PHACTR2: variants seen among roughly 807,000 people sequenced by gnomAD.
The protein encoded by PHACTR2 is phosphatase and actin regulator 2, also known as chromosome 6 open reading frame 56.
A neutral mutation model predicts 76.0 loss-of-function variants in PHACTR2; 30 were observed. The ratio of observed to expected loss-of-function variants is 0.39; its 90% CI spans 0.30 to 0.54. The LOEUF (loss-of-function observed/expected upper bound fraction) is 0.54, where lower values mean the gene tolerates loss of function less well. Among genes scored for constraint, PHACTR2 ranks in the 20% least tolerant of loss-of-function variants. The pLI is 0.61. For synonymous variants in PHACTR2, 292 were observed against 292.5 expected (o/e 1.00, Z 0.02); for missense variants, 696 against 781.1 (o/e 0.89, Z 1.30).
intron 1 of PHACTR2, among the ~76,000 whole-genome samples, chr6:143,686,935 C>G (rs1777539629): frequency 6.6e-6 from 1 of 152,186 alleles, no homozygotes; most frequent in South Asian, 2.1e-4. Flanking sequence ...TAGCTTTTCT[C>G]CAGCTGCGTG....
At position 143,550,985 on chromosome 6, in the gene PHACTR2, C is replaced by T. The variant is rs1775087004; in HGVS notation, c.217+13778C>T. Among the ~76,000 whole-genome samples the T allele has an allele frequency of 6.6e-6, 1 of 151,854 alleles. No homozygotes were observed. The highest frequency in any genetic ancestry group is 2.1e-4 in the South Asian group (1 of 4,808). ...CCTGGGAGGTTGAGACTACATGAAC[C>T]ATGATTGCACCACTGCACTCCAGCC... On this transcript the variant is annotated intron_variant, in intron 1 of 11. Coordinates refer to the PHACTR2 transcript ENST00000367584. The surrounding 1 kb of genome is among the most constrained non-coding windows in gnomAD (Gnocchi z 4.8).
rs1313419111 is a variant in PHACTR2, at chr6:143,597,241, C to A, written c.217+60034C>A. Among the ~76,000 whole-genome samples the A allele has an allele frequency of 6.6e-6, 1 of 152,156 alleles. No homozygotes were observed. The highest frequency in any genetic ancestry group is 1.5e-5 in the Non-Finnish European group (1 of 68,030). On this transcript the variant is annotated intron_variant, in intron 1 of 11. Coordinates refer to the PHACTR2 transcript ENST00000367584. This position sits in a 1 kb window ranked among gnomAD's most constrained non-coding sequence, Gnocchi z 5.7. ...TCCAAGAAATGAAAGACATACCATTCGTGAGCTGCTTGCTGTCCCTCCCTT... is the reference window on the plus strand; with the variant it reads ...TCCAAGAAATGAAAGACATACCATTAGTGAGCTGCTTGCTGTCCCTCCCTT...
chr6:143,660,162 C>T (rs1212593884), intron 1 of PHACTR2, among the ~76,000 whole-genome samples: 2 of 151,908 alleles, frequency 1.3e-5, no homozygotes, highest in African/African-American at 4.8e-5. Flanking sequence ...TCTCCTTTTC[C>T]TATTTCTCCT....
In PHACTR2 at chr6:143,734,644, C is replaced by CT. The variant is rs1250083341; in HGVS notation, c.215-14333dup. ...TTGCAGAATTGTTAACTTGCTTTCC[C>CT]TTTTTTTTCCATCACATTTGATTGC... On this transcript the variant is annotated intron_variant, in intron 2 of 12. Coordinates refer to ENST00000440869, the MANE Select transcript of PHACTR2 (RefSeq NM_001100164.2). Among the ~76,000 whole-genome samples, 4 of 152,104 alleles carry CT rather than the reference C, an allele frequency of 2.6e-5. No homozygotes were observed. In the East Asian group the frequency reaches 5.8e-4, roughly 22 times the overall value.
intron 6 of PHACTR2, among the ~76,000 whole-genome samples, chr6:143,771,188 A>ATGTG (rs1206917465): frequency 3.1e-4 from 5 of 16,296 alleles, no homozygotes; most frequent in Non-Finnish European, 3.0e-4. Context: ...ATATATATAT[A>ATGTG]TGTGTGTATA....
At chr6:143,724,263 G>C (rs6570579) in intron 2 of PHACTR2, among the ~76,000 whole-genome samples, 93,261 of 151,794 alleles carry the variant, frequency 0.61, 30,145 homozygotes, top group African/African-American at 0.83. Flanking sequence ...TCCCGAGTAG[G>C]TGGGACCACA....
At chr6:143,676,870 T>C (rs1777258865), upstream of PHACTR2, among the ~76,000 whole-genome samples, 1 of 152,092 alleles carries the variant, frequency 6.6e-6, no homozygotes, top group Non-Finnish European at 1.5e-5. The surrounding 1 kb of genome is among the most constrained non-coding windows in gnomAD (Gnocchi z 4.8). Context: ...TGAAAAAACA[T>C]AGGGCAACTT....
chr6:143,796,115 T>G (rs1013840054), intron 11 of PHACTR2, among the ~76,000 whole-genome samples: 6 of 152,218 alleles, frequency 3.9e-5, no homozygotes, highest in African/African-American at 7.2e-5. Context: ...GAACACAGTG[T>G]CTAAACAGGT....
In PHACTR2 at chr6:143,619,517, G is replaced by A. The variant is rs112838352; in HGVS notation, c.13+11195G>A. Among the ~76,000 whole-genome samples the A allele has an allele frequency of 0.012, 1,899 of 152,318 alleles. 44 individuals carry two copies. Among genetic ancestry groups the A allele is most frequent in the African/African-American group, 0.044 (1,819 of 41,562 alleles). On this transcript the variant is annotated intron_variant, in intron 1 of 11. Coordinates refer to the PHACTR2 transcript ENST00000305766. The surrounding 1 kb of genome is among the most constrained non-coding windows in gnomAD (Gnocchi z 4.5). ...ATGCTCTGAAATACCCTACTGAAGG[G>A]TACACAGTGTTGACCTGTACACAAA... is the stretch of plus-strand genomic sequence containing the variant.
rs916335520 is a variant in PHACTR2 at position 143,733,634 on chromosome 6, A to G, written c.215-15351A>G. ...AAAAGCCATAACAGACTAAATGAAT[A>G]TTTTACCAATTTAGTGGGTAGGGTG... On this transcript the variant is annotated intron_variant, in intron 2 of 12. Coordinates refer to ENST00000440869, the MANE Select transcript of PHACTR2 (RefSeq NM_001100164.2). This position sits in a 1 kb window ranked among gnomAD's most constrained non-coding sequence, Gnocchi z 4.0. Among the ~76,000 whole-genome samples, 1 of 152,140 alleles carries G rather than the reference A, an allele frequency of 6.6e-6. No individual in the cohort carries two copies. The highest frequency in any genetic ancestry group is 1.5e-5 in the Non-Finnish European group (1 of 68,018).
intron 1 of PHACTR2, among the ~76,000 whole-genome samples, chr6:143,575,003 T>C (rs896832416): frequency 3.3e-5 from 5 of 152,240 alleles, no homozygotes; most frequent in African/African-American, 4.8e-5. Context: ...GCAGATTAGA[T>C]TTCTCAGTAT....
chr6:143,614,077 C>G (rs1160311699), intron 1 of PHACTR2, among the ~76,000 whole-genome samples: 1 of 152,092 alleles, frequency 6.6e-6, no homozygotes, highest in Non-Finnish European at 1.5e-5. Context: ...CAAAAATTAG[C>G]CAGGTGTGCT....
intron 11 of PHACTR2, among the ~76,000 whole-genome samples, chr6:143,797,944 G>A (rs947690036): frequency 6.6e-6 from 1 of 152,184 alleles, no homozygotes; most frequent in African/African-American, 2.4e-5. Flanking sequence ...GAAAGTCAGT[G>A]GTAGCTGGAT....
intron 1 of PHACTR2, among the ~76,000 whole-genome samples, chr6:143,640,813 A>T (rs1776550882): frequency 6.6e-6 from 1 of 152,214 alleles, no homozygotes; most frequent in African/African-American, 2.4e-5. Flanking sequence ...TTTATTTGAA[A>T]AAAAGACCTT....
rs758907528 is a variant in PHACTR2 at position 143,823,682 on chromosome 6, G to A, written c.1931G>A (p.Arg644His). 54 of 1,611,498 alleles carry A rather than the reference G, an allele frequency of 3.4e-5. 1 individual carries two copies. Among genetic ancestry groups the A allele is most frequent in the East Asian group, 1.3e-4 (6 of 44,886 alleles). Residue 644 changes from arginine (R) to histidine (H), a missense_variant, in exon 13 of 13, where the codon CGT becomes CAT. Arg to His is a conservative substitution (Grantham distance 29). Around this residue, in one of 2 missense-constraint regions of PHACTR2, gnomAD observed 236 missense variants for 330.2 expected, o/e 0.71. Transcript: ENST00000440869. The surrounding 1 kb of genome is among the most constrained non-coding windows in gnomAD (Gnocchi z 5.7). Reference sequence around the variant, plus strand: ...TCTATTTCTTACTCCAGGTTTCATCGTCCATAACGAAGAGTGAGACTATTT... The same window carrying A: ...TCTATTTCTTACTCCAGGTTTCATCATCCATAACGAAGAGTGAGACTATTT... ...EESRQFTRFH[R>H]P
rs1343932519 is a variant in PHACTR2, at chr6:143,722,321, T to G, written c.214+10138T>G. ...CGAAAGCACTAGAAGTCTCTGGCATTGGTTTTTTTTTCTATTCTGGCCACT... is the reference window on the plus strand; with the variant it reads ...CGAAAGCACTAGAAGTCTCTGGCATGGGTTTTTTTTTCTATTCTGGCCACT... On this transcript the variant is annotated intron_variant, in intron 2 of 12. Transcript: ENST00000440869. This position sits in a 1 kb window ranked among gnomAD's most constrained non-coding sequence, Gnocchi z 4.1. Among the ~76,000 whole-genome samples the G allele has an allele frequency of 6.6e-6, 1 of 151,950 alleles. No individual in the cohort carries two copies. Among genetic ancestry groups the G allele is most frequent in the African/African-American group, 2.4e-5 (1 of 41,418 alleles).
chr6:143,802,313 G>T (rs1274247194), intron 11 of PHACTR2, among the ~76,000 whole-genome samples: 3 of 151,926 alleles, frequency 2.0e-5, no homozygotes, highest in African/African-American at 7.3e-5. Context: ...CATAACCTCA[G>T]CCCAGCTCTT....
At chr6:143,632,893 T>C (rs1776389568) in intron 1 of PHACTR2, among the ~76,000 whole-genome samples, 1 of 152,206 alleles carries the variant, frequency 6.6e-6, no homozygotes, top group Admixed American at 6.5e-5. Context: ...TTTCACTTAG[T>C]AGTATGCACT....
intron 1 of PHACTR2, among the ~76,000 whole-genome samples, chr6:143,668,235 G>A (rs532813691): frequency 4.6e-5 from 7 of 152,244 alleles, no homozygotes; most frequent in Non-Finnish European, 8.8e-5. Context: ...CGACTTGATC[G>A]TTGTGGATAA....
Sources: allele counts gnomAD v4.1 joint callset (sites outside exome capture counted in the v4.1 genomes callset), GRCh38; gene constraint gnomAD v4.1.1; regional missense constraint gnomAD v4.1.1; non-coding constraint Gnocchi (gnomAD v3.1); transcripts MANE v1.5; gene names NCBI Gene and HGNC (gene_info 2026-07-23, HGNC 2026-07-21).